Variants in RAD51B observed in about 807,000 individuals in gnomAD.
The protein encoded by RAD51B is DNA repair protein RAD51 homolog 2.
In RAD51B, 38 loss-of-function variants were observed where a neutral mutation model predicts 42.2. The observed-to-expected ratio is 0.90, with a 90% CI of 0.70 to 1.18. The LOEUF (loss-of-function observed/expected upper bound fraction) is 1.18. Among genes scored for constraint, RAD51B ranks in the 50% most tolerant of loss-of-function variants. The probability of loss-of-function intolerance (pLI) is 0.00; values close to 1 mark genes in which losing one functional copy is unlikely to be tolerated. For missense variants in RAD51B, 373 were observed against 400.7 expected (o/e 0.93, Z 0.59); for synonymous variants, 154 against 145.2 (o/e 1.06, Z -0.43).
intron 8 of RAD51B, among the ~76,000 whole-genome samples, chr14:68,390,770 C>T (rs1361893473): frequency 6.6e-6 from 1 of 152,210 alleles, no homozygotes; most frequent in African/African-American, 2.4e-5. Flanking sequence ...ATGAGTTAGT[C>T]ACAGAGCTGG....
At chr14:68,548,459 G>A (rs1000370464) in intron 10 of RAD51B, among the ~76,000 whole-genome samples, 2 of 152,244 alleles carry the variant, frequency 1.3e-5, no homozygotes, top group African/African-American at 4.8e-5. Flanking sequence ...GGAAAGGATT[G>A]CAGAGCGGGT....
At chr14:68,661,737 C>T (rs1002315470) in intron 11 of RAD51B, among the ~76,000 whole-genome samples, 6 of 152,206 alleles carry the variant, frequency 3.9e-5, no homozygotes, top group Non-Finnish European at 2.9e-5. Flanking sequence ...TTTTCATGCC[C>T]GGTAGAGGTC....
intron 7 of RAD51B, among the ~76,000 whole-genome samples, chr14:67,895,514 T>C (rs1015023): frequency 0.42 from 63,363 of 152,022 alleles, 14,406 homozygotes; most frequent in African/African-American, 0.58. Context: ...CAAAGTGTAT[T>C]TCTGATCACA....
intron 10 of RAD51B, among the ~76,000 whole-genome samples, chr14:68,550,866 G>T (rs768895321): frequency 6.6e-6 from 1 of 152,152 alleles, no homozygotes; most frequent in Non-Finnish European, 1.5e-5. Flanking sequence ...AGAAGGAGTT[G>T]CTTCCAAAAA....
intron 10 of RAD51B, among the ~76,000 whole-genome samples, chr14:68,485,677 C>A (rs1255265678): frequency 6.6e-6 from 1 of 152,206 alleles, no homozygotes; most frequent in Non-Finnish European, 1.5e-5. Flanking sequence ...TATCCCTGAT[C>A]CTTGCATTTC....
At chr14:68,237,405 T>C (rs1244828018) in intron 7 of RAD51B, among the ~76,000 whole-genome samples, 1 of 152,234 alleles carries the variant, frequency 6.6e-6, no homozygotes, top group Non-Finnish European at 1.5e-5. Flanking sequence ...AGTTTCAAAA[T>C]ATTTTTAAAA....
intron 7 of RAD51B, among the ~76,000 whole-genome samples, chr14:68,021,354 T>G (rs930830450): frequency 3.3e-5 from 5 of 152,314 alleles, no homozygotes; most frequent in Non-Finnish European, 5.9e-5. Context: ...TAAGCCACTC[T>G]CAGGAAGGTT....
intron 9 of RAD51B, among the ~76,000 whole-genome samples, chr14:68,427,120 T>C (rs1382692322): frequency 6.6e-6 from 1 of 152,198 alleles, no homozygotes; most frequent in Non-Finnish European, 1.5e-5. Flanking sequence ...AGCCTCCACC[T>C]AGATTTGAAA....
At chr14:67,850,417 A>G (rs1224815308) in intron 4 of RAD51B, among the ~76,000 whole-genome samples, 3 of 151,928 alleles carry the variant, frequency 2.0e-5, no homozygotes, top group African/African-American at 4.8e-5. Context: ...ACTTAAGAGT[A>G]TGTCGAGTAG....
intron 7 of RAD51B, among the ~76,000 whole-genome samples, chr14:67,974,834 TTTAA>T (rs1298055254): frequency 6.6e-6 from 1 of 152,212 alleles, no homozygotes; most frequent in Non-Finnish European, 1.5e-5. Context: ...TCTTATAATT[TTTAA>T]TTAGTTGTGA....
At chr14:68,186,969 G>A (rs988101527) in intron 7 of RAD51B, among the ~76,000 whole-genome samples, 3 of 152,020 alleles carry the variant, frequency 2.0e-5, no homozygotes, top group Non-Finnish European at 4.4e-5. Context: ...ATCAGCCTAG[G>A]TGCCCATCTG....
intron 10 of RAD51B, among the ~76,000 whole-genome samples, chr14:68,602,869 C>T (rs542774379): frequency 6.6e-6 from 1 of 152,264 alleles, no homozygotes; most frequent in East Asian, 1.9e-4. Context: ...CAGCAGTGCT[C>T]GTATAAATCT....
intron 7 of RAD51B, among the ~76,000 whole-genome samples, chr14:68,178,511 A>T (rs891265139): frequency 1.2e-4 from 19 of 152,228 alleles, no homozygotes; most frequent in African/African-American, 4.1e-4. Context: ...ATCATAAGTC[A>T]TCTAAGTAAT....
chr14:68,464,510 G>A (rs1221288675), intron 9 of RAD51B, among the ~76,000 whole-genome samples: 1 of 152,170 alleles, frequency 6.6e-6, no homozygotes, highest in Non-Finnish European at 1.5e-5. Flanking sequence ...TGTTGTATGG[G>A]TGTAATTGAA....
At chr14:68,339,831 T>G (rs1018825407) in intron 8 of RAD51B, among the ~76,000 whole-genome samples, 1 of 152,200 alleles carries the variant, frequency 6.6e-6, no homozygotes, top group African/African-American at 2.4e-5. Context: ...TGAAAAGTAG[T>G]ACAGTAAGAT....
intron 9 of RAD51B, among the ~76,000 whole-genome samples, chr14:68,415,079 G>T (rs1414864768): frequency 6.8e-6 from 1 of 146,872 alleles, no homozygotes; most frequent in African/African-American, 2.5e-5. Context: ...CTCAAACCTG[G>T]CTGCACTTAA....
chr14:68,026,552 A>T (rs1396559501), intron 7 of RAD51B, among the ~76,000 whole-genome samples: 1 of 152,076 alleles, frequency 6.6e-6, no homozygotes. Flanking sequence ...GTATATATTT[A>T]GGATAGTTAA....
intron 5 of RAD51B, among the ~76,000 whole-genome samples, chr14:67,877,956 T>C (rs904840281): frequency 1.3e-5 from 2 of 152,216 alleles, no homozygotes; most frequent in African/African-American, 2.4e-5. Context: ...TAAGCCGCCA[T>C]GCCTGGCCAG....
intron 7 of RAD51B, among the ~76,000 whole-genome samples, chr14:68,018,127 C>T (rs1455323393): frequency 6.6e-6 from 1 of 152,192 alleles, no homozygotes; most frequent in Non-Finnish European, 1.5e-5. Context: ...ACATTCGTGT[C>T]TAAGCTATGC....
Sources: gnomAD v4.1 joint callset for allele counts (sites outside exome capture counted in the v4.1 genomes callset) on GRCh38, gnomAD v4.1.1 for gene constraint, MANE v1.5 for transcripts, NCBI Gene and HGNC (gene_info 2026-07-23, HGNC 2026-07-21) for gene names.